COL22A1: variants seen among roughly 807,000 people sequenced by gnomAD.
COL22A1 encodes collagen alpha-1(XXII) chain.
COL22A1 carries 221 observed loss-of-function variants against 248.9 expected under a neutral mutation model. The observed-to-expected ratio is 0.89, with a 90% CI of 0.80 to 0.99. COL22A1 has a LOEUF of 0.99. COL22A1 is among the 50% of genes least tolerant of loss of function. The probability of loss-of-function intolerance (pLI) is 0.00; values close to 1 mark genes in which losing one functional copy is unlikely to be tolerated. For synonymous variants in COL22A1, 891 were observed against 793.4 expected, an observed-to-expected ratio of 1.12 and a Z score of -2.07; for missense variants, 2,240 against 2,179.0, an observed-to-expected ratio of 1.03 and a Z score of -0.56.
intron 47 of COL22A1, among the ~76,000 whole-genome samples, chr8:138,640,811 C>G (rs1821616407): frequency 6.6e-6 from 1 of 152,098 alleles, no homozygotes; most frequent in Non-Finnish European, 1.5e-5. Context: ...ATGAGGGACC[C>G]AAGGTACCAA....
At chr8:138,739,201 C>T (rs192786414) in intron 22 of COL22A1, among the ~76,000 whole-genome samples, 2 of 152,300 alleles carry the variant, frequency 1.3e-5, no homozygotes, top group Admixed American at 1.3e-4. Context: ...AGCCTGCCCT[C>T]CATGACCTCA....
chr8:138,728,588 C>T (rs1296072077), intron 23 of COL22A1, among the ~76,000 whole-genome samples: 6 of 152,006 alleles, frequency 3.9e-5, no homozygotes, highest in Admixed American at 3.3e-4. Context: ...CCCTTGCGAA[C>T]ACCCTTGCCC....
chr8:138,858,859 G>A (rs926116098), intron 3 of COL22A1, among the ~76,000 whole-genome samples: 5 of 152,156 alleles, frequency 3.3e-5, no homozygotes, highest in South Asian at 2.1e-4. Flanking sequence ...ATCCAGAGGC[G>A]GGCTGAAGAG....
At chr8:138,785,692 C>T (rs1181726052) in intron 12 of COL22A1, among the ~76,000 whole-genome samples, 2 of 152,198 alleles carry the variant, frequency 1.3e-5, no homozygotes, top group Admixed American at 6.5e-5. Context: ...ACCTTGGCCT[C>T]TCCTCCCAGC....
At chr8:138,734,304 G>A (rs1255479202) in intron 23 of COL22A1, among the ~76,000 whole-genome samples, 3 of 152,168 alleles carry the variant, frequency 2.0e-5, no homozygotes, top group African/African-American at 4.8e-5. Context: ...ATTAATGTAC[G>A]AATTCTCATG....
intron 60 of COL22A1, 91 bp from the exon 61 acceptor site, chr8:138,598,989 T>C (rs547191329): frequency 1.5e-6 from 2 of 1,354,198 alleles, no homozygotes; most frequent in African/African-American, 2.9e-5. Flanking sequence ...GTCTGCCTCT[T>C]AGATCACTGA....
intron 1 of COL22A1, among the ~76,000 whole-genome samples, chr8:138,889,651 C>CAT (rs1824911475): frequency 6.6e-6 from 1 of 152,086 alleles, no homozygotes; most frequent in Admixed American, 6.5e-5. Flanking sequence ...CAGCATGGCA[C>CAT]GTATACATAT....
At chr8:138,737,848 G>T (rs1055734127) in intron 22 of COL22A1, among the ~76,000 whole-genome samples, 1 of 151,934 alleles carries the variant, frequency 6.6e-6, no homozygotes, top group East Asian at 1.9e-4. Flanking sequence ...GATACAGAAA[G>T]GTATACCCAA....
intron 44 of COL22A1, among the ~76,000 whole-genome samples, chr8:138,658,994 C>T (rs889840723): frequency 6.6e-6 from 1 of 152,148 alleles, no homozygotes; most frequent in Non-Finnish European, 1.5e-5. Context: ...GCTGACTTCA[C>T]TATCTTTGCA....
chr8:138,616,045 C>T lies in COL22A1; in HGVS notation c.3880G>A (p.Gly1294Ser), dbSNP rs767879865. Residue 1294 changes from glycine (G) to serine (S), a missense_variant, in exon 55 of 65, where the codon GGT becomes AGT. Transcript: ENST00000303045. ...TCCTGACCAGGAAGCCCCATGGCACCAGACTCTCCCTAGGAACAAAAAAGC... is the reference window on the plus strand; with the variant it reads ...TCCTGACCAGGAAGCCCCATGGCACTAGACTCTCCCTAGGAACAAAAAAGC... Reference protein sequence around the residue: ...SGAPGPRGESGAMGLPGQEGL... With the variant: ...SGAPGPRGESSAMGLPGQEGL... 6.2e-7 allele frequency: 1 copy of T among 1,613,264 alleles called. No individual in the cohort carries two copies. The highest frequency in any genetic ancestry group is 1.1e-5 in the South Asian group (1 of 91,050).
At chr8:138,663,644 C>T in intron 42 of COL22A1, 61 bp downstream of exon 42, 4 of 1,326,708 alleles carry the variant, frequency 3.0e-6, no homozygotes, top group South Asian at 1.2e-5. Context: ...TTTAAAACTG[C>T]TTTGATTCGA....
intron 9 of COL22A1, among the ~76,000 whole-genome samples, chr8:138,810,492 C>A (rs961475541): frequency 2.0e-5 from 3 of 152,232 alleles, no homozygotes; most frequent in African/African-American, 7.2e-5. Flanking sequence ...GCACTGTGTG[C>A]ACCAGCCCTG....
At chr8:138,898,466 A>T (rs1814292771) in intron 1 of COL22A1, among the ~76,000 whole-genome samples, 1 of 152,136 alleles carries the variant, frequency 6.6e-6, no homozygotes, top group Non-Finnish European at 1.5e-5. Flanking sequence ...CATCCTGATA[A>T]TCTTGCCTTA....
At chr8:138,866,863 C>T (rs927902242) in intron 3 of COL22A1, among the ~76,000 whole-genome samples, 2 of 152,124 alleles carry the variant, frequency 1.3e-5, no homozygotes, top group Non-Finnish European at 2.9e-5. Flanking sequence ...CAGAGTGGGC[C>T]GCTGGTCATG....
chr8:138,762,063 G>A (rs1833530417), intron 17 of COL22A1, among the ~76,000 whole-genome samples: 1 of 152,172 alleles, frequency 6.6e-6, no homozygotes, highest in Non-Finnish European at 1.5e-5. Flanking sequence ...TTGTACTGAG[G>A]AGCACTGGGG....
intron 30 of COL22A1, among the ~76,000 whole-genome samples, chr8:138,705,826 C>T (rs1322513321): frequency 6.6e-6 from 1 of 152,120 alleles, no homozygotes; most frequent in Non-Finnish European, 1.5e-5. Flanking sequence ...AATTAAAAGA[C>T]ACAGACTGGC....
At chr8:138,655,417 T>C (rs1823153072) in intron 45 of COL22A1, among the ~76,000 whole-genome samples, 1 of 152,144 alleles carries the variant, frequency 6.6e-6, no homozygotes, top group Admixed American at 6.5e-5. Flanking sequence ...GGAGTGCAGT[T>C]GCATGCCCAT....
intron 12 of COL22A1, among the ~76,000 whole-genome samples, chr8:138,787,369 A>T (rs1815625879): frequency 6.6e-6 from 1 of 152,206 alleles, no homozygotes; most frequent in African/African-American, 2.4e-5. Context: ...ATCTGCATGC[A>T]GCCTCTGTCT....
chr8:138,804,661 A>G (rs574496321), intron 10 of COL22A1, among the ~76,000 whole-genome samples: 1 of 152,220 alleles, frequency 6.6e-6, no homozygotes, highest in South Asian at 2.1e-4. Context: ...GCACAAAGAG[A>G]AGACTCACCA....
Sources: allele counts gnomAD v4.1 joint callset (sites outside exome capture counted in the v4.1 genomes callset), GRCh38; gene constraint gnomAD v4.1.1; transcripts MANE v1.5; gene names NCBI Gene and HGNC (gene_info 2026-07-23, HGNC 2026-07-21).